The following RECQL4 variants were observed in gnomAD, a reference collection of about 807,000 sequenced individuals.
The protein encoded by RECQL4 is RecQ like helicase 4, also known as ATP-dependent DNA helicase Q4.
In RECQL4, 158 loss-of-function variants were observed where a neutral mutation model predicts 128.6. That is an observed-to-expected ratio of 1.23 (90% CI 1.08 to 1.40). The LOEUF is 1.40. RECQL4 is among the 40% of genes most tolerant of loss of function. The probability of loss-of-function intolerance (pLI) is 0.00; values close to 1 mark genes in which losing one functional copy is unlikely to be tolerated. For synonymous variants in RECQL4, 996 were observed against 678.9 expected, an observed-to-expected ratio of 1.47 and a Z score of -7.26; for missense variants, 2,293 against 1,649.8, an observed-to-expected ratio of 1.39 and a Z score of -6.75.
chr8:144,511,988 G>C lies in RECQL4; in HGVS notation c.3316C>G (p.Arg1106Gly), dbSNP rs770193726. The C allele has an allele frequency of 1.2e-6, 2 of 1,610,712 alleles. No homozygotes were observed. The highest frequency in any genetic ancestry group is 8.5e-7 in the Non-Finnish European group (1 of 1,179,404). The stretch of plus-strand genomic sequence containing the variant: ...TGCCCTTCCTCTTCCTCAAAGTAGC[G>C]GCCGAGCAGGTCCTTGAGCCTGGTG... ...RSTRLKDLLG[R>G]YFEEEEGQEP... Residue 1106 changes from arginine (R) to glycine (G), a missense_variant, in exon 19 of 21, where the codon CGC becomes GGC. Arg to Gly is a moderately radical substitution (Grantham distance 125). Transcript: ENST00000617875.
rs786200889 is a variant in RECQL4 at position 144,512,326 on chromosome 8, T to G, written c.3056-2A>C. 5 of 1,611,928 alleles carry G rather than the reference T, an allele frequency of 3.1e-6. No individual in the cohort carries two copies. The Middle Eastern group carries it at 4.9e-4, about 159-fold the overall frequency. On this transcript the variant is annotated splice_acceptor_variant, in intron 17 of 20. Transcript: ENST00000617875. LOFTEE classifies it high-confidence loss of function. The stretch of plus-strand genomic sequence containing the variant: ...GCACCCCTGTCCCACGCCGCACACC[T>G]GCCGGAAAGCATGTCAGATGCAGGC...
intron 4 of RECQL4, 140 bp from the exon 5 acceptor site, chr8:144,516,904 G>A: frequency 2.9e-6 from 4 of 1,388,932 alleles, no homozygotes; most frequent in Non-Finnish European, 1.9e-6. Context: ...AGTCAAGGGC[G>A]AAGGCCCCGA....
rs747524690 is a variant in RECQL4, at chr8:144,512,104, G to A, written c.3237-37C>T. The A allele has an allele frequency of 9.4e-6, 15 of 1,603,414 alleles. No homozygotes were observed. The Admixed American group carries it at 2.2e-4, about 24-fold the overall frequency. On this transcript the variant is annotated intron_variant, in intron 18 of 20. Transcript: ENST00000617875. ...AGCCTGTCAGAGCTGATCACTGCGGGAGGGTGGATGGTCCCAGGCCCCGCC... is the reference window on the plus strand; with the variant it reads ...AGCCTGTCAGAGCTGATCACTGCGGAAGGGTGGATGGTCCCAGGCCCCGCC...
chr8:144,512,048 CGCA>C lies in RECQL4; in HGVS notation c.3253_3255del (p.Cys1085del), dbSNP rs1564788945. On this transcript the variant is annotated inframe_deletion, in exon 19 of 21. Transcript: ENST00000617875. ...TCATCCTGCTGCTCCAGGCAGGGCCCGCAGCTGGGGAAGGCTACGCTGTGGGGA... is the reference window on the plus strand; with the variant it reads ...TCATCCTGCTGCTCCAGGCAGGGCCCGCTGGGGAAGGCTACGCTGTGGGGA... 1 of 1,608,400 alleles carries C rather than the reference CGCA, an allele frequency of 6.2e-7. No individual in the cohort carries two copies. Among genetic ancestry groups the C allele is most frequent in the African/African-American group, 1.3e-5 (1 of 75,026 alleles).
rs191720224 is a variant in RECQL4 at position 144,511,580 on chromosome 8, G to A, written c.3503-25C>T. The A allele has an allele frequency of 5.5e-5, 89 of 1,609,416 alleles. 2 individuals are homozygous for A. The East Asian group carries it at 1.2e-3, about 21-fold the overall frequency. On this transcript the variant is annotated intron_variant, in intron 20 of 20. Coordinates refer to ENST00000617875, the MANE Select transcript of RECQL4 (RefSeq NM_004260.4). ...CCTACGGTGGAGCCAAGACACAGCC[G>A]TGAGCCCCAGCCCCAGCCTGCAGCG... is the stretch of plus-strand genomic sequence containing the variant.
chr8:144,514,444 T>C lies in RECQL4; in HGVS notation c.1702A>G (p.Lys568Glu), dbSNP rs1222844262. ...CCCTAGGCCCATGAGGCCCCCACCT[T>C]CTGCAGGACAGATTCCCGTTGCTTC... is the stretch of plus-strand genomic sequence containing the variant. The part of the protein sequence containing the change: ...TRKQRESVLQ[K>E]IRAAQVHVLM... Residue 568 changes from lysine (K) to glutamate (E), a missense_variant and splice_region_variant, in exon 10 of 21, where the codon AAG becomes GAG. Physicochemically the swap from Lys to Glu is moderately conservative, Grantham distance 56. Transcript: ENST00000617875. 6.2e-7 allele frequency: 1 copy of C among 1,611,470 alleles called. No homozygotes were observed. The highest frequency in any genetic ancestry group is 8.5e-7 in the Non-Finnish European group (1 of 1,179,050).
In RECQL4 at chr8:144,511,465, A is replaced by G. The variant is rs1156631125; in HGVS notation, c.3593T>C (p.Leu1198Pro). 6.2e-7 allele frequency: 1 copy of G among 1,612,524 alleles called. No homozygotes were observed. Among genetic ancestry groups the G allele is most frequent in the Non-Finnish European group, 8.5e-7 (1 of 1,179,732 alleles). Reference protein sequence around the residue: ...LHLSFHALVGLATEELLQVAR With the variant: ...LHLSFHALVGPATEELLQVAR ...CACCTGCAGGAGCTCTTCCGTGGCC[A>G]GGCCCACCAGGGCATGGAAGCTCAG... The change falls in exon 21 of 21, where the codon CTG becomes CCG. Residue 1198 changes from leucine (L) to proline (P), a missense_variant. Physicochemically the swap from Leu to Pro is moderately conservative, Grantham distance 98 (BLOSUM62 -3). Transcript: ENST00000617875.
rs770193726 is a variant in RECQL4 at position 144,511,988 on chromosome 8, G to T, written c.3316C>A (p.Arg1106Ser). 3 of 1,610,594 alleles carry T rather than the reference G, an allele frequency of 1.9e-6. No individual in the cohort carries two copies. The highest frequency in any genetic ancestry group is 1.3e-5 in the African/African-American group (1 of 74,932). ...RSTRLKDLLG[R>S]YFEEEEGQEP... ...TGCCCTTCCTCTTCCTCAAAGTAGC[G>T]GCCGAGCAGGTCCTTGAGCCTGGTG... The change falls in exon 19 of 21, where the codon CGC becomes AGC. Residue 1106 changes from arginine to serine, a missense_variant. Transcript: ENST00000617875.
At chr8:144,514,608 C>T (rs900476179) in intron 9 of RECQL4, 83 bp from the exon 10 acceptor site, 25 of 1,382,802 alleles carry the variant, frequency 1.8e-5, no homozygotes, top group Admixed American at 6.0e-5. Context: ...CTGCCATGTC[C>T]ATCCTAGTCC....
At position 144,513,557 on chromosome 8, in the gene RECQL4, T is replaced by C; in HGVS notation, c.2200+14A>G. Reference sequence around the variant, plus strand: ...GGTGGGTCCACGGGGACACCAGCTCTGTCCATGCCGCACCTCCAGACCCTG... The same window carrying C: ...GGTGGGTCCACGGGGACACCAGCTCCGTCCATGCCGCACCTCCAGACCCTG... On this transcript the variant is annotated intron_variant, in intron 13 of 20. Transcript: ENST00000617875. 2 of 1,610,954 alleles carry C rather than the reference T, an allele frequency of 1.2e-6. No individual in the cohort carries two copies. Among genetic ancestry groups the C allele is most frequent in the Non-Finnish European group, 1.7e-6 (2 of 1,179,098 alleles).
chr8:144,517,808 C>T lies in RECQL4; in HGVS notation c.-24G>A, dbSNP rs1323085554. 30 of 1,202,032 alleles carry T rather than the reference C, an allele frequency of 2.5e-5. No individual in the cohort carries two copies. The highest frequency in any genetic ancestry group is 3.8e-5 in the East Asian group (1 of 26,324). 74.5% of individuals were successfully genotyped at this position (1,202,032 alleles called of 1,614,324 possible). ...ATGGCGCGCGCGCCCGCCCGGCCTC[C>T]GCGCTTGCGATCGTCCAGCGAATCT... is the stretch of plus-strand genomic sequence containing the variant. On this transcript the variant is annotated 5_prime_UTR_variant, in exon 1 of 21. Coordinates refer to ENST00000617875, the MANE Select transcript of RECQL4 (RefSeq NM_004260.4).
At position 144,517,818 on chromosome 8, in the gene RECQL4, A is replaced by G. The variant is rs1815465860; in HGVS notation, c.-34T>C. On this transcript the variant is annotated 5_prime_UTR_variant, in exon 1 of 21. Coordinates refer to ENST00000617875, the MANE Select transcript of RECQL4 (RefSeq NM_004260.4). ...CGCCCGCCCGGCCTCCGCGCTTGCG[A>G]TCGTCCAGCGAATCTCCCGCGCAGC... is the stretch of plus-strand genomic sequence containing the variant. 3 of 1,192,478 alleles carry G rather than the reference A, an allele frequency of 2.5e-6. No individual in the cohort carries two copies. Among genetic ancestry groups the G allele is most frequent in the South Asian group, 3.5e-5 (1 of 28,808 alleles). The allele number at this position is 1,192,478 out of a possible 1,614,324, so 73.9% of individuals were successfully genotyped here.
At position 144,517,759 on chromosome 8, in the gene RECQL4, TC is replaced by T; in HGVS notation, c.25del (p.Glu9SerfsTer40). 7.7e-7 allele frequency: 1 copy of T among 1,300,924 alleles called. No individual in the cohort carries two copies. The highest frequency in any genetic ancestry group is 2.1e-5 in the South Asian group (1 of 48,300). 80.6% of individuals were successfully genotyped at this position (1,300,924 alleles called of 1,614,324 possible). ...CGCGCGCTCCCACGCCTGCAGCCGCTCCCGCACGTCCCGCAGCCGCTCCATG... is the reference window on the plus strand; with the variant it reads ...CGCGCGCTCCCACGCCTGCAGCCGCTCCGCACGTCCCGCAGCCGCTCCATG... Reference protein sequence around the residue: MERLRDVRERLQAWERAFR... With the variant: MERLRDVRXRLQAWERAFR... On this transcript the variant is annotated frameshift_variant, in exon 1 of 21. Coordinates refer to ENST00000617875, the MANE Select transcript of RECQL4 (RefSeq NM_004260.4). LOFTEE classifies it high-confidence loss of function.
intron 4 of RECQL4, 52 bp downstream of exon 4, chr8:144,516,998 A>AC: frequency 6.4e-7 from 1 of 1,569,646 alleles, no homozygotes; most frequent in Non-Finnish European, 8.7e-7. Context: ...GGCGACCCGG[A>AC]CCGGAAGCAG....
Position 144,513,154 on chromosome 8 carries a change from C to CA in RECQL4, c.2464-17dup. 1 of 1,519,944 alleles carries CA rather than the reference C, an allele frequency of 6.6e-7. No homozygotes were observed. The highest frequency in any genetic ancestry group is 8.8e-7 in the Non-Finnish European group (1 of 1,140,458). 94.2% of individuals were successfully genotyped at this position (1,519,944 alleles called of 1,614,324 possible). On this transcript the variant is annotated splice_polypyrimidine_tract_variant and intron_variant, in intron 14 of 20. Transcript: ENST00000617875. The stretch of plus-strand genomic sequence containing the variant: ...GGTCTTCGCCCTGCAGGGCAACTTT[C>CA]ATGAGGGTGGGGTGGACCACTGGGG...
intron 6 of RECQL4, 56 bp from the exon 7 acceptor site, chr8:144,515,513 T>C (rs1014197960): frequency 6.2e-7 from 1 of 1,610,358 alleles, no homozygotes; most frequent in Non-Finnish European, 8.5e-7. Context: ...AGACAACCAC[T>C]GGCCACAACC....
chr8:144,517,376 G>C (rs749893702), intron 3 of RECQL4, 38 bp downstream of exon 3: 218 of 1,530,100 alleles, frequency 1.4e-4, no homozygotes, highest in Non-Finnish European at 1.9e-4. Context: ...CGCCAAACAG[G>C]GAAGTGGGAG....
chr8:144,517,574 C>G, intron 2 of RECQL4, 28 bp downstream of exon 2: 1 of 1,479,156 alleles, frequency 6.8e-7, no homozygotes, highest in Non-Finnish European at 8.9e-7. Flanking sequence ...GGTGTCTTCT[C>G]GCCCCCGCCG....
In RECQL4 at chr8:144,512,054, T is replaced by TG; in HGVS notation, c.3249dup (p.Ser1084GlnfsTer11). On this transcript the variant is annotated frameshift_variant, in exon 19 of 21. Coordinates refer to ENST00000617875, the MANE Select transcript of RECQL4 (RefSeq NM_004260.4). LOFTEE classifies it high-confidence loss of function. ...TGCTGCTCCAGGCAGGGCCCGCAGC[T>TG]GGGGAAGGCTACGCTGTGGGGAGGA... The TG allele has an allele frequency of 1.2e-6, 2 of 1,608,330 alleles. No homozygotes were observed. The highest frequency in any genetic ancestry group is 1.7e-6 in the Non-Finnish European group (2 of 1,178,698).
Sources: gnomAD v4.1 joint callset for allele counts on GRCh38, gnomAD v4.1.1 for gene constraint, MANE v1.5 for transcripts, NCBI Gene and HGNC (gene_info 2026-07-23, HGNC 2026-07-21) for gene names.